XKR4: variants seen among roughly 807,000 people sequenced by gnomAD.
The protein encoded by XKR4 is XK related 4.
Under a neutral mutation model 53.9 loss-of-function variants are expected in XKR4, and 12 were observed. The ratio of observed to expected loss-of-function variants is 0.22; its 90% CI spans 0.14 to 0.36. XKR4 has a LOEUF of 0.36. Among genes scored for constraint, XKR4 ranks in the 10% least tolerant of loss-of-function variants. XKR4 has a pLI of 1.00. For missense variants in XKR4, 799 were observed against 859.5 expected (o/e 0.93, Z 0.88); for synonymous variants, 354 against 362.4 (o/e 0.98, Z 0.26).
rs775529065 is a variant in XKR4 at position 55,194,822 on chromosome 8, T to C, written c.806+91528T>C. ...GAAAGAAGTCAGTGGTATTAGTGAG[T>C]GGGAGGCAATCTGTGGCTAACAAAT... On this transcript the variant is annotated intron_variant, in intron 1 of 2. Coordinates refer to ENST00000327381, the MANE Select transcript of XKR4 (RefSeq NM_052898.2). Among the ~76,000 whole-genome samples the C allele has an allele frequency of 6.6e-5, 10 of 152,112 alleles. 1 individual carries two copies. Among genetic ancestry groups the C allele is most frequent in the African/African-American group, 2.4e-5 (1 of 41,426 alleles).
Position 55,512,002 on chromosome 8 carries a change from A to G in XKR4, c.1007-11279A>G, listed in dbSNP as rs140089805. ...GCAAAGCTAGGATTCAGAATGACCAATTATATTTATAGAGAAGCTTTTCTG... is the reference window on the plus strand; with the variant it reads ...GCAAAGCTAGGATTCAGAATGACCAGTTATATTTATAGAGAAGCTTTTCTG... On this transcript the variant is annotated intron_variant, in intron 2 of 2. Coordinates refer to ENST00000327381, the MANE Select transcript of XKR4 (RefSeq NM_052898.2). 4.1e-3 allele frequency among the ~76,000 whole-genome samples: 623 copies of G among 152,252 alleles called. 3 individuals are homozygous for G. The highest frequency in any genetic ancestry group is 0.014 in the African/African-American group (574 of 41,552).
At chr8:55,431,768 T>C (rs1805108916) in intron 2 of XKR4, among the ~76,000 whole-genome samples, 1 of 152,252 alleles carries the variant, frequency 6.6e-6, no homozygotes, top group South Asian at 2.1e-4. Context: ...TTCTGTATTT[T>C]TTCTCAACTG....
At chr8:55,221,360 C>T (rs1817878355) in intron 1 of XKR4, among the ~76,000 whole-genome samples, 1 of 152,172 alleles carries the variant, frequency 6.6e-6, no homozygotes, top group African/African-American at 2.4e-5. Context: ...CAGTCTTTGT[C>T]GCTAAGAAAG....
chr8:55,156,388 C>CGCGCATAGTCACG (rs1455939121), intron 1 of XKR4, among the ~76,000 whole-genome samples: 2 of 136,418 alleles, frequency 1.5e-5, no homozygotes, highest in East Asian at 4.3e-4. Context: ...TAAGACGCTG[C>CGCGCATAGTCACG]GCGCATAGTC....
At chr8:55,297,436 G>C (rs1233171063) in intron 1 of XKR4, among the ~76,000 whole-genome samples, 1 of 152,176 alleles carries the variant, frequency 6.6e-6, no homozygotes, top group Non-Finnish European at 1.5e-5. Flanking sequence ...ACTCAATGGA[G>C]GTTGAAACAG....
intron 1 of XKR4, among the ~76,000 whole-genome samples, chr8:55,169,336 G>T (rs1003790285): frequency 9.9e-5 from 15 of 152,218 alleles, no homozygotes. Flanking sequence ...GGAGGAAGGT[G>T]GGAAGGGCAG....
At chr8:55,486,578 G>T (rs767098524) in intron 2 of XKR4, among the ~76,000 whole-genome samples, 1 of 152,178 alleles carries the variant, frequency 6.6e-6, no homozygotes, top group Non-Finnish European at 1.5e-5. Flanking sequence ...TGTGTGAAGG[G>T]GCAGAAGTCA....
intron 2 of XKR4, among the ~76,000 whole-genome samples, chr8:55,474,601 A>G (rs1183787882): frequency 1.3e-5 from 2 of 152,164 alleles, no homozygotes; most frequent in Non-Finnish European, 2.9e-5. Context: ...TGATTAGAAT[A>G]TAGACAAAAA....
chr8:55,167,742 T>C (rs142553113), intron 1 of XKR4, among the ~76,000 whole-genome samples: 1 of 152,294 alleles, frequency 6.6e-6, no homozygotes, highest in East Asian at 1.9e-4. Flanking sequence ...GTTAGAGTCA[T>C]ACAAATGGAT....
At chr8:55,234,543 C>T (rs777201630) in intron 1 of XKR4, among the ~76,000 whole-genome samples, 4 of 152,174 alleles carry the variant, frequency 2.6e-5, no homozygotes, top group Admixed American at 6.5e-5. Flanking sequence ...CTCTACATTA[C>T]ACCTCTCACA....
chr8:55,439,755 T>C (rs900022820), intron 2 of XKR4, among the ~76,000 whole-genome samples: 1 of 152,158 alleles, frequency 6.6e-6, no homozygotes, highest in Non-Finnish European at 1.5e-5. Flanking sequence ...TATTTAATTG[T>C]ACTTCCAGAA....
chr8:55,151,318 G>A (rs1816837047), intron 1 of XKR4, among the ~76,000 whole-genome samples: 1 of 152,198 alleles, frequency 6.6e-6, no homozygotes, highest in South Asian at 2.1e-4. Flanking sequence ...GACAGTAAAA[G>A]AAGCTGAGGC....
chr8:55,283,608 G>A (rs571069791), intron 1 of XKR4, among the ~76,000 whole-genome samples: 95 of 152,288 alleles, frequency 6.2e-4, no homozygotes, highest in Non-Finnish European at 1.1e-3. Flanking sequence ...CTATTTTTGT[G>A]GAGGAGAATG....
At chr8:55,115,501 T>C (rs1052191477) in intron 1 of XKR4, among the ~76,000 whole-genome samples, 1 of 152,172 alleles carries the variant, frequency 6.6e-6, no homozygotes, top group African/African-American at 2.4e-5. Flanking sequence ...AAGTCCATTA[T>C]TTGCTGGGTG....
intron 2 of XKR4, among the ~76,000 whole-genome samples, chr8:55,461,530 C>A (rs1460024388): frequency 2.0e-5 from 3 of 152,124 alleles, no homozygotes; most frequent in Non-Finnish European, 4.4e-5. Flanking sequence ...GGGGAAAAAA[C>A]AGAGCAGAAA....
chr8:55,512,375 A>T (rs1806640644), intron 2 of XKR4, among the ~76,000 whole-genome samples: 1 of 152,126 alleles, frequency 6.6e-6, no homozygotes, highest in African/African-American at 2.4e-5. Flanking sequence ...TCATGACCAC[A>T]GCCTCCTGCC....
At position 55,523,779 on chromosome 8, in the gene XKR4, G is replaced by A; in HGVS notation, c.1505G>A (p.Gly502Asp). The change falls in exon 3 of 3, where the codon GGC (glycine) becomes GAC (aspartate). Residue 502 changes from glycine to aspartate, a missense_variant. Around this residue, in one of 3 missense-constraint regions of XKR4, gnomAD observed 269 missense variants for 264.4 expected, o/e 1.02. Transcript: ENST00000327381. ...GTGGTGTTCAGCAGCTTTTTAACTGGCGTTGTTTTTATGCTGATGTATTAT... is the reference window on the plus strand; with the variant it reads ...GTGGTGTTCAGCAGCTTTTTAACTGACGTTGTTTTTATGCTGATGTATTAT... ...LCVVFSSFLT[G>D]VVFMLMYYAF... 1 of 1,614,168 alleles carries A rather than the reference G, an allele frequency of 6.2e-7. No homozygotes were observed. The highest frequency in any genetic ancestry group is 8.5e-7 in the Non-Finnish European group (1 of 1,180,030).
chr8:55,141,971 G>A (rs531281710), intron 1 of XKR4, among the ~76,000 whole-genome samples: 3 of 151,982 alleles, frequency 2.0e-5, no homozygotes, highest in Admixed American at 6.5e-5. Context: ...CCCAGGCCCC[G>A]CCTCTCTATT....
Position 55,182,681 on chromosome 8 carries a change from T to C in XKR4, c.806+79387T>C, listed in dbSNP as rs936729980. On this transcript the variant is annotated intron_variant, in intron 1 of 2. Coordinates refer to ENST00000327381, the MANE Select transcript of XKR4 (RefSeq NM_052898.2). ...TGTCTATGGCTTTACCAATACCACA[T>C]AGTTTTGATTACTGTAGATTAATAG... is the stretch of plus-strand genomic sequence containing the variant. 9.2e-5 allele frequency among the ~76,000 whole-genome samples: 14 copies of C among 152,312 alleles called. 1 individual carries two copies. Among genetic ancestry groups the C allele is most frequent in the Admixed American group, 8.5e-4 (13 of 15,308 alleles).
Sources: allele counts gnomAD v4.1 joint callset (sites outside exome capture counted in the v4.1 genomes callset), GRCh38; gene constraint gnomAD v4.1.1; regional missense constraint gnomAD v4.1.1; transcripts MANE v1.5; gene names NCBI Gene and HGNC (gene_info 2026-07-23, HGNC 2026-07-21).